FNBP1: variants seen among roughly 807,000 people sequenced by gnomAD.
FNBP1 encodes the protein formin-binding protein 1.
FNBP1 carries 26 observed loss-of-function variants against 90.6 expected under a neutral mutation model. The observed-to-expected ratio is 0.29, with a 90% CI of 0.21 to 0.40. FNBP1 has a LOEUF of 0.40. FNBP1 is among the 10% of genes least tolerant of loss of function. The pLI is 1.00. For synonymous variants in FNBP1, 260 were observed against 265.2 expected, an observed-to-expected ratio of 0.98 and a Z score of 0.19; for missense variants, 635 against 768.0, an observed-to-expected ratio of 0.83 and a Z score of 2.05.
At chr9:129,974,069 C>T (rs2049925602) in intron 4 of FNBP1, among the ~76,000 whole-genome samples, 2 of 151,796 alleles carry the variant, frequency 1.3e-5, no homozygotes, top group South Asian at 2.1e-4. Flanking sequence ...GTGATCTGCC[C>T]GCCTCAGCCT....
At chr9:129,951,974 C>T (rs1199651571) in intron 6 of FNBP1, among the ~76,000 whole-genome samples, 1 of 151,238 alleles carries the variant, frequency 6.6e-6, no homozygotes, top group African/African-American at 2.4e-5. Flanking sequence ...GGAGGATCAC[C>T]TGAAGGCAGG....
intron 6 of FNBP1, among the ~76,000 whole-genome samples, chr9:129,937,094 C>T (rs1349701851): frequency 6.6e-6 from 1 of 151,810 alleles, no homozygotes; most frequent in South Asian, 2.1e-4. Context: ...TGCTTGAACC[C>T]GGGAGACAGA....
intron 2 of FNBP1, among the ~76,000 whole-genome samples, chr9:129,985,625 G>A (rs1396739341): frequency 6.6e-6 from 1 of 152,050 alleles, no homozygotes; most frequent in African/African-American, 2.4e-5. Context: ...AGACAAGCCT[G>A]GCCAACATGG....
intron 12 of FNBP1, among the ~76,000 whole-genome samples, chr9:129,905,353 C>T (rs1466606567): frequency 6.7e-6 from 1 of 148,430 alleles, no homozygotes; most frequent in Non-Finnish European, 1.5e-5. Context: ...ACTCTGTCGC[C>T]TAGGCTGGAA....
At position 129,993,205 on chromosome 9, in the gene FNBP1, C is replaced by T. The variant is rs1379665491; in HGVS notation, c.140+1638G>A. On this transcript the variant is annotated intron_variant, in intron 2 of 16. Transcript: ENST00000446176. Reference sequence around the variant, plus strand: ...TTGTACCACTGCACTCCAGCCTGGGCGACAGAGTGAGACTGTCTCAAAAAA... The same window carrying T: ...TTGTACCACTGCACTCCAGCCTGGGTGACAGAGTGAGACTGTCTCAAAAAA... 1.3e-4 allele frequency among the ~76,000 whole-genome samples: 17 copies of T among 131,858 alleles called. No homozygotes were observed. In the South Asian group the frequency reaches 2.0e-3, roughly 15 times the overall value. 86.5% of individuals were successfully genotyped at this position (131,858 alleles called of 152,430 possible).
In FNBP1 at chr9:130,005,421, G is replaced by A. The variant is rs573571384; in HGVS notation, c.25-10463C>T. On this transcript the variant is annotated intron_variant, in intron 1 of 16. Transcript: ENST00000446176. The stretch of plus-strand genomic sequence containing the variant: ...CAGTGGTGCGATCTCAGCTCACTGC[G>A]ACCTCCGCCTCTCGGGTTCAAGCGA... 7.5e-5 allele frequency among the ~76,000 whole-genome samples: 11 copies of A among 146,884 alleles called. No homozygotes were observed. The East Asian group carries it at 1.9e-3, about 25-fold the overall frequency.
intron 4 of FNBP1, among the ~76,000 whole-genome samples, chr9:129,964,861 C>CAA (rs11397527): frequency 7.6e-4 from 110 of 145,108 alleles, no homozygotes; most frequent in Admixed American, 9.0e-4. Flanking sequence ...ACAGCCCTTT[C>CAA]AAAAAAAAAA....
intron 1 of FNBP1, among the ~76,000 whole-genome samples, chr9:130,016,950 T>TA (rs1348110657): frequency 3.3e-5 from 5 of 152,056 alleles, no homozygotes; most frequent in Non-Finnish European, 7.4e-5. Flanking sequence ...ATGGAGCTGT[T>TA]AAAAATGTCA....
intron 4 of FNBP1, among the ~76,000 whole-genome samples, chr9:129,959,040 G>GAAAACA (rs1489658906): frequency 1.2e-5 from 1 of 80,394 alleles, no homozygotes; most frequent in East Asian, 4.0e-4. Context: ...ATGTGGAAAC[G>GAAAACA]AAAACAAGAA....
intron 6 of FNBP1, among the ~76,000 whole-genome samples, chr9:129,942,002 C>T (rs754911174): frequency 9.3e-5 from 14 of 150,866 alleles, no homozygotes; most frequent in Non-Finnish European, 1.3e-4. Context: ...ACCTGGGAGG[C>T]GGAGGTTGTA....
At chr9:129,912,934 C>A (rs2039587379) in intron 11 of FNBP1, among the ~76,000 whole-genome samples, 1 of 151,886 alleles carries the variant, frequency 6.6e-6, no homozygotes, top group South Asian at 2.1e-4. Context: ...TAAAACTCAA[C>A]AGCGGTTGGG....
intron 1 of FNBP1, among the ~76,000 whole-genome samples, chr9:129,999,137 A>G (rs1381748076): frequency 6.6e-6 from 1 of 151,332 alleles, no homozygotes; most frequent in Non-Finnish European, 1.5e-5. Context: ...AAGTTAATGG[A>G]AAAAAAAATC....
chr9:129,910,343 G>A (rs377425714), intron 11 of FNBP1, among the ~76,000 whole-genome samples: 8 of 152,010 alleles, frequency 5.3e-5, no homozygotes, highest in African/African-American at 1.7e-4. Context: ...CTAGCTGGGC[G>A]TGGTGGCGAG....
chr9:130,016,579 A>T (rs916094876), intron 1 of FNBP1, among the ~76,000 whole-genome samples: 4 of 152,124 alleles, frequency 2.6e-5, no homozygotes, highest in Non-Finnish European at 5.9e-5. Flanking sequence ...CCCTGTCTCT[A>T]CTAAAAACAC....
chr9:129,927,795 T>C (rs999258167), intron 7 of FNBP1, among the ~76,000 whole-genome samples: 2 of 147,902 alleles, frequency 1.4e-5, no homozygotes, highest in South Asian at 4.6e-4. Context: ...GCTAATTTTT[T>C]GTATTTTTAG....
intron 11 of FNBP1, among the ~76,000 whole-genome samples, chr9:129,909,868 A>G (rs777830021): frequency 6.6e-6 from 1 of 152,206 alleles, no homozygotes; most frequent in African/African-American, 2.4e-5. Flanking sequence ...TACAGGCATG[A>G]GCCGCCGCGC....
rs550281863 is a variant in FNBP1, at chr9:130,010,288, T to C, written c.25-15330A>G. Reference sequence around the variant, plus strand: ...CATCTTCCCTTTGGCAGAGCACCTGTCTTATTACAGGATCACTTTCTCCAT... The same window carrying C: ...CATCTTCCCTTTGGCAGAGCACCTGCCTTATTACAGGATCACTTTCTCCAT... On this transcript the variant is annotated intron_variant, in intron 1 of 16. Coordinates refer to ENST00000446176, the MANE Select transcript of FNBP1 (RefSeq NM_015033.3). Among the ~76,000 whole-genome samples the C allele has an allele frequency of 7.2e-5, 11 of 152,250 alleles. No individual in the cohort carries two copies. The South Asian group carries it at 2.3e-3, about 32-fold the overall frequency.
rs1232924487 is a variant in FNBP1, at chr9:129,890,981, C to T, written c.1847-435G>A. 2.0e-5 allele frequency among the ~76,000 whole-genome samples: 3 copies of T among 151,120 alleles called. No individual in the cohort carries two copies. In the East Asian group the frequency reaches 5.9e-4, roughly 30 times the overall value. On this transcript the variant is annotated intron_variant, in intron 16 of 16. Coordinates refer to ENST00000446176, the MANE Select transcript of FNBP1 (RefSeq NM_015033.3). The surrounding 1 kb of genome is among the most constrained non-coding windows in gnomAD (Gnocchi z 5.8). ...ACCAGCCTGGCTAACATGGTGAAAA[C>T]CCATCTCTATTAAAAATACAACAAT...
At chr9:129,979,696 G>A (rs2050886727) in intron 2 of FNBP1, among the ~76,000 whole-genome samples, 1 of 152,110 alleles carries the variant, frequency 6.6e-6, no homozygotes, top group African/African-American at 2.4e-5. Context: ...CTGGAATGCG[G>A]TAGCGTGATC....
Sources: allele counts gnomAD v4.1 joint callset (sites outside exome capture counted in the v4.1 genomes callset), GRCh38; gene constraint gnomAD v4.1.1; non-coding constraint Gnocchi (gnomAD v3.1); transcripts MANE v1.5; gene names NCBI Gene and HGNC (gene_info 2026-07-23, HGNC 2026-07-21).